Variants in UGGT2 observed in about 807,000 individuals in gnomAD.
UGGT2 encodes the protein UDP-glucose:glycoprotein glucosyltransferase 2.
A neutral mutation model predicts 192.1 loss-of-function variants in UGGT2; 180 were observed. The ratio of observed to expected loss-of-function variants is 0.94; its 90% CI spans 0.83 to 1.06. The LOEUF is 1.06. UGGT2 is among the 50% of genes least tolerant of loss of function. The pLI is 0.00. For missense variants in UGGT2, 1,849 were observed against 1,795.7 expected (o/e 1.03, Z -0.54); for synonymous variants, 580 against 591.0 (o/e 0.98, Z 0.27).
intron 27 of UGGT2, among the ~76,000 whole-genome samples, chr13:95,881,453 A>G (rs2047492520): frequency 6.6e-6 from 1 of 152,186 alleles, no homozygotes; most frequent in South Asian, 2.1e-4. Flanking sequence ...CATAAATTTC[A>G]TATATTATGC....
At chr13:95,854,736 T>C (rs1394414719) in intron 34 of UGGT2, among the ~76,000 whole-genome samples, 1 of 152,190 alleles carries the variant, frequency 6.6e-6, no homozygotes. Context: ...TTATGTCATT[T>C]ATAAACAAGT....
At chr13:95,939,476 C>CTTTTTTTTTTTTTTTTTTGTTTTTTTTT (rs2049587616) in intron 16 of UGGT2, among the ~76,000 whole-genome samples, 1 of 109,140 alleles carries the variant, frequency 9.2e-6, no homozygotes, top group Non-Finnish European at 1.9e-5. Context: ...GAGTTGTTGC[C>CTTTTTTTTTTTTTTTTTTGTTTTTTTTT]TTTTTTTTTT....
At position 95,832,941 on chromosome 13, in the gene UGGT2, T is replaced by C. The variant is rs767340666; in HGVS notation, c.4514A>G (p.Lys1505Arg). The change falls in exon 38 of 39, where the codon AAG becomes AGG. Residue 1505 changes from lysine to arginine, a missense_variant. Physicochemically the swap from Lys to Arg is conservative, Grantham distance 26. Transcript: ENST00000376747. ...IRQLLDHLEN[K>R]KQDTILTHDE... is the part of the protein sequence containing the mutation. ...TGATGACTTACTTGTATCTTGCTTC[T>C]TGTTTTCAAGATGATCTAATAGTTG... The C allele has an allele frequency of 8.7e-6, 14 of 1,612,414 alleles. No individual in the cohort carries two copies.
rs556498175 is a variant in UGGT2, at chr13:95,959,037, G to A, written c.1336-9583C>T. Among the ~76,000 whole-genome samples the A allele has an allele frequency of 2.0e-5, 3 of 152,306 alleles. No homozygotes were observed. In the East Asian group the frequency reaches 5.8e-4, roughly 29 times the overall value. ...ACAAACCCCTGAGTCCTAAGCCACTGCAGTATGGCATCATTTTGAGAGCCC... is the reference window on the plus strand; with the variant it reads ...ACAAACCCCTGAGTCCTAAGCCACTACAGTATGGCATCATTTTGAGAGCCC... On this transcript the variant is annotated intron_variant, in intron 12 of 38. Coordinates refer to ENST00000376747, the MANE Select transcript of UGGT2 (RefSeq NM_020121.4).
intron 10 of UGGT2, among the ~76,000 whole-genome samples, chr13:95,980,370 A>G (rs929524805): frequency 1.3e-5 from 2 of 152,034 alleles, no homozygotes; most frequent in Non-Finnish European, 2.9e-5. Context: ...ACCAAACATC[A>G]TATGTTCTCA....
chr13:95,825,288 G>T (rs916820806), intron 38 of UGGT2, among the ~76,000 whole-genome samples: 1 of 152,150 alleles, frequency 6.6e-6, no homozygotes, highest in Non-Finnish European at 1.5e-5. Context: ...TGTAGCTAAA[G>T]CAGGTGGTAA....
chr13:95,943,159 C>T (rs1342676376), intron 15 of UGGT2, among the ~76,000 whole-genome samples: 4 of 152,224 alleles, frequency 2.6e-5, no homozygotes, highest in South Asian at 2.1e-4. Context: ...CTTTATCCTT[C>T]AAAGTCTCAC....
chr13:95,928,654 G>A lies in UGGT2; in HGVS notation c.1978-1318C>T, dbSNP rs530431720. Among the ~76,000 whole-genome samples the A allele has an allele frequency of 8.2e-3, 1,242 of 151,964 alleles. 13 individuals are homozygous for A. The highest frequency in any genetic ancestry group is 0.028 in the African/African-American group (1,180 of 41,444). ...AGAAGGTGGGTAGCCGGGCAGAGAC[G>A]CTCCTCACTTCCTAGACGGGATGAC... On this transcript the variant is annotated intron_variant, in intron 17 of 38. Coordinates refer to ENST00000376747, the MANE Select transcript of UGGT2 (RefSeq NM_020121.4).
intron 36 of UGGT2, among the ~76,000 whole-genome samples, chr13:95,848,819 G>A (rs1888732753): frequency 6.6e-6 from 1 of 152,072 alleles, no homozygotes. Flanking sequence ...CAACTTGCTA[G>A]GACTTTGATT....
At chr13:95,976,467 C>A (rs184965740) in intron 10 of UGGT2, among the ~76,000 whole-genome samples, 2 of 152,190 alleles carry the variant, frequency 1.3e-5, no homozygotes, top group African/African-American at 4.8e-5. Context: ...TATGGTAATT[C>A]TATTTTTCAT....
chr13:96,031,924 T>C lies in UGGT2; in HGVS notation c.206A>G (p.Glu69Gly), dbSNP rs2052847964. The change falls in exon 2 of 39, where the codon GAA becomes GGA. Residue 69 changes from glutamate to glycine, a missense_variant. Coordinates refer to ENST00000376747, the MANE Select transcript of UGGT2 (RefSeq NM_020121.4). ...ESNEKFWQFL[E>G]TVQELAIYKQ... ...ATAAATTGCTAATTCTTGCACAGTT[T>C]CCAAAAACTGCCAAAATTTTTCATT... is the stretch of plus-strand genomic sequence containing the variant. The C allele has an allele frequency of 6.2e-7, 1 of 1,611,452 alleles. No individual in the cohort carries two copies. Among genetic ancestry groups the C allele is most frequent in the Non-Finnish European group, 8.5e-7 (1 of 1,178,970 alleles).
intron 29 of UGGT2, among the ~76,000 whole-genome samples, chr13:95,871,497 G>T (rs1265844468): frequency 6.6e-6 from 1 of 151,446 alleles, no homozygotes; most frequent in Non-Finnish European, 1.5e-5. Flanking sequence ...ACTTTAAGGA[G>T]AAGACACTTT....
chr13:95,931,561 T>TG (rs1405750319), intron 17 of UGGT2, among the ~76,000 whole-genome samples: 6 of 65,284 alleles, frequency 9.2e-5, no homozygotes, highest in African/African-American at 1.2e-4. Context: ...GGGGTGGGGG[T>TG]GGGGGGGAGG....
intron 22 of UGGT2, among the ~76,000 whole-genome samples, chr13:95,899,274 T>G (rs762557488): frequency 5.9e-5 from 9 of 152,202 alleles, no homozygotes; most frequent in Non-Finnish European, 1.3e-4. Flanking sequence ...GTCTGTGGCA[T>G]ATTTTTATAG....
chr13:96,001,537 C>A (rs1021634265), intron 5 of UGGT2, among the ~76,000 whole-genome samples: 3 of 152,146 alleles, frequency 2.0e-5, no homozygotes, highest in Admixed American at 2.0e-4. Flanking sequence ...TCTCTTCACA[C>A]GGACGCGCAT....
chr13:95,940,874 T>C (rs941112905), intron 15 of UGGT2, among the ~76,000 whole-genome samples: 3 of 152,208 alleles, frequency 2.0e-5, no homozygotes, highest in African/African-American at 7.2e-5. Flanking sequence ...ACTACAGGCA[T>C]AAGCCACCAT....
At chr13:95,818,043 A>G (rs1300460797) in intron 38 of UGGT2, among the ~76,000 whole-genome samples, 1 of 152,166 alleles carries the variant, frequency 6.6e-6, no homozygotes, top group Non-Finnish European at 1.5e-5. Context: ...CCAGGCACTC[A>G]TGCCTATTAT....
At chr13:95,857,038 T>C (rs1257401559) in intron 33 of UGGT2, among the ~76,000 whole-genome samples, 4 of 152,072 alleles carry the variant, frequency 2.6e-5, no homozygotes, top group East Asian at 3.8e-4. Context: ...TTAATAAATA[T>C]AGAATTTGCG....
At chr13:95,980,697 C>G (rs572142294) in intron 10 of UGGT2, among the ~76,000 whole-genome samples, 2 of 152,274 alleles carry the variant, frequency 1.3e-5, no homozygotes, top group South Asian at 4.1e-4. Context: ...TGGAGCAGCC[C>G]AGCATCCACA....
Sources: gnomAD v4.1 joint callset for allele counts (sites outside exome capture counted in the v4.1 genomes callset) on GRCh38, gnomAD v4.1.1 for gene constraint, MANE v1.5 for transcripts, NCBI Gene and HGNC (gene_info 2026-07-23, HGNC 2026-07-21) for gene names.